Variants in GPCPD1 observed in about 807,000 individuals in gnomAD.
The protein encoded by GPCPD1 is glycerophosphocholine phosphodiesterase GPCPD1.
GPCPD1 carries 29 observed loss-of-function variants against 89.2 expected under a neutral mutation model. The ratio of observed to expected loss-of-function variants is 0.33; its 90% CI spans 0.24 to 0.44. GPCPD1 has a LOEUF of 0.44. GPCPD1 is among the 20% of genes least tolerant of loss of function. GPCPD1 has a pLI of 1.00. For missense variants in GPCPD1, 594 were observed against 808.9 expected, an observed-to-expected ratio of 0.73 and a Z score of 3.22; for synonymous variants, 258 against 266.3, an observed-to-expected ratio of 0.97 and a Z score of 0.30.
chr20:5,552,833 T>C (rs1289990837), intron 19 of GPCPD1, among the ~76,000 whole-genome samples: 2 of 152,188 alleles, frequency 1.3e-5, no homozygotes, highest in East Asian at 1.9e-4. Flanking sequence ...CAGAAAGTAA[T>C]ATAACTTTAT....
chr20:5,593,501 C>A, intron 3 of GPCPD1, 90 bp from the exon 4 acceptor site: 1 of 723,362 alleles, frequency 1.4e-6, no homozygotes, highest in East Asian at 2.5e-5. Context: ...TCAAATAAAA[C>A]GTATGACCAA....
chr20:5,590,940 T>C (rs890083169), intron 4 of GPCPD1, among the ~76,000 whole-genome samples: 4 of 151,948 alleles, frequency 2.6e-5, no homozygotes, highest in African/African-American at 9.7e-5. Context: ...TTTCAAAGGA[T>C]ACAATGAAAA....
At chr20:5,586,120 T>C (rs1169574883) in intron 5 of GPCPD1, 74 bp downstream of exon 5, 4 of 670,074 alleles carry the variant, frequency 6.0e-6, no homozygotes, top group Middle Eastern at 2.7e-4. Flanking sequence ...ATTTATTAAA[T>C]CCCACTAAGC....
At chr20:5,558,204 G>T in intron 18 of GPCPD1, 99 bp from the exon 19 acceptor site, 1 of 623,792 alleles carries the variant, frequency 1.6e-6, no homozygotes, top group Non-Finnish European at 2.7e-6. Flanking sequence ...ACAGCAGGCG[G>T]GAAAAGAAAA....
At chr20:5,585,421 CT>C (rs1978842972) in intron 5 of GPCPD1, 1 of 151,850 alleles carries the variant, frequency 6.6e-6, no homozygotes. Flanking sequence ...TTAACTTTAC[CT>C]AGAAACTAAA....
chr20:5,562,161 T>C (rs1172176357), intron 15 of GPCPD1, among the ~76,000 whole-genome samples: 1 of 152,208 alleles, frequency 6.6e-6, no homozygotes, highest in African/African-American at 2.4e-5. Flanking sequence ...AAAATGACAT[T>C]GAAAATATGA....
chr20:5,575,625 C>A, intron 9 of GPCPD1, 80 bp from the exon 10 acceptor site: 2 of 976,958 alleles, frequency 2.0e-6, no homozygotes, highest in Non-Finnish European at 3.1e-6. Flanking sequence ...ATTTAAATAC[C>A]ACTCAAGTCA....
chr20:5,600,997 A>T (rs1032456515), intron 2 of GPCPD1, among the ~76,000 whole-genome samples: 13 of 151,702 alleles, frequency 8.6e-5, no homozygotes, highest in Non-Finnish European at 1.5e-4. Flanking sequence ...CTCGAAAAAA[A>T]TTTTTTTTAA....
At position 5,578,309 on chromosome 20, in the gene GPCPD1, A is replaced by G; in HGVS notation, c.705+71T>C. Reference sequence around the variant, plus strand: ...TTACACAAATTAGATTAAAATGAAAATCAAAACCAACGTTAAAATAAGCTT... The same window carrying G: ...TTACACAAATTAGATTAAAATGAAAGTCAAAACCAACGTTAAAATAAGCTT... On this transcript the variant is annotated intron_variant, in intron 8 of 19. Coordinates refer to ENST00000379019, the MANE Select transcript of GPCPD1 (RefSeq NM_019593.5). The G allele has an allele frequency of 3.1e-6, 3 of 971,228 alleles. No homozygotes were observed. The Admixed American group carries it at 5.5e-5, about 18-fold the overall frequency. 60.2% of individuals were successfully genotyped at this position (971,228 alleles called of 1,614,324 possible). A position where few individuals can be genotyped will look rare whatever the true frequency, so the allele number is the denominator to read the frequency against.
At chr20:5,558,641 G>A in intron 18 of GPCPD1, 43 bp downstream of exon 18, 1 of 1,213,008 alleles carries the variant, frequency 8.2e-7, no homozygotes. Flanking sequence ...CTCCAAAATA[G>A]AAAACAGAAC....
intron 3 of GPCPD1, among the ~76,000 whole-genome samples, chr20:5,598,274 T>C (rs564578323): frequency 6.6e-6 from 1 of 152,130 alleles, no homozygotes; most frequent in Non-Finnish European, 1.5e-5. Flanking sequence ...GGCATGGTCA[T>C]GGGTGCCTAT....
At position 5,575,657 on chromosome 20, in the gene GPCPD1, C is replaced by T. The variant is rs140563474; in HGVS notation, c.869-112G>A. 2,915 of 892,976 alleles carry T rather than the reference C, an allele frequency of 3.3e-3. 13 individuals carry two copies. The highest frequency in any genetic ancestry group is 3.5e-3 in the Non-Finnish European group (2,019 of 582,824). The allele number at this position is 892,976 out of a possible 1,614,324, so 55.3% of individuals were successfully genotyped here. A position where few individuals can be genotyped will look rare whatever the true frequency, so the allele number is the denominator to read the frequency against. ...GTCAGCTTTATCAGTTTCTGTCAAA[C>T]GGAAAAAAAAACAAGATTCAAAATG... is the stretch of plus-strand genomic sequence containing the variant. On this transcript the variant is annotated intron_variant, in intron 9 of 19. Coordinates refer to ENST00000379019, the MANE Select transcript of GPCPD1 (RefSeq NM_019593.5).
chr20:5,586,030 CTGT>C (rs1978897503), intron 5 of GPCPD1, 161 bp downstream of exon 5: 1 of 433,504 alleles, frequency 2.3e-6, no homozygotes, highest in East Asian at 3.5e-5. Context: ...CAATTAAAAA[CTGT>C]TGTTTTGAAA....
chr20:5,559,011 T>C (rs1985934369), intron 17 of GPCPD1, among the ~76,000 whole-genome samples, 192 bp from the exon 18 acceptor site: 1 of 152,220 alleles, frequency 6.6e-6, no homozygotes, highest in East Asian at 1.9e-4. Context: ...AAGACCAGCC[T>C]GGACAACATG....
rs1396845368 is a variant in GPCPD1 at position 5,547,850 on chromosome 20, C to T, written c.1830G>A (p.Arg610=). Residue 610 remains arginine, a splice_region_variant and synonymous_variant, in exon 20 of 20, where the codon AGG becomes AGA. Coordinates refer to ENST00000379019, the MANE Select transcript of GPCPD1 (RefSeq NM_019593.5). The stretch of plus-strand genomic sequence containing the variant: ...GTTGTTCAGGCATCCAATCATATAT[C>T]CTATGATGAAACAAATACAAAACAC... ...ELGVNGLIYD[R]IYDWMPEQPN... 2 of 1,546,734 alleles carry T rather than the reference C, an allele frequency of 1.3e-6. No individual in the cohort carries two copies. Among genetic ancestry groups the T allele is most frequent in the Non-Finnish European group, 1.8e-6 (2 of 1,126,192 alleles).
chr20:5,569,843 C>G (rs1986606336), intron 12 of GPCPD1, among the ~76,000 whole-genome samples: 1 of 152,108 alleles, frequency 6.6e-6, no homozygotes. Context: ...ACTATGATAT[C>G]TTCCTCTCTT....
intron 3 of GPCPD1, among the ~76,000 whole-genome samples, chr20:5,594,313 G>A (rs1292608676): frequency 6.6e-6 from 1 of 151,062 alleles, no homozygotes; most frequent in Non-Finnish European, 1.5e-5. Context: ...TTTTTGAGAC[G>A]GAGTCTTGCT....
rs760437021 is a variant in GPCPD1, at chr20:5,580,097, T to C, written c.384A>G (p.Thr128=). The change falls in exon 7 of 20, where the codon ACA becomes ACG. Residue 128 remains threonine (T), a synonymous_variant. Transcript: ENST00000379019. The part of the protein sequence containing the change: ...GVETLDSGWL[T]CQTEIRLRLH... ...AACGTAATCTTATTTCAGTCTGACATGTCAGCCATCCAGAATCCAGAGTTT... is the reference window on the plus strand; with the variant it reads ...AACGTAATCTTATTTCAGTCTGACACGTCAGCCATCCAGAATCCAGAGTTT... 3.5e-5 allele frequency: 52 copies of C among 1,500,166 alleles called. No individual in the cohort carries two copies. Among genetic ancestry groups the C allele is most frequent in the South Asian group, 3.3e-4 (29 of 88,216 alleles). The allele number at this position is 1,500,166 out of a possible 1,614,324, so 92.9% of individuals were successfully genotyped here.
chr20:5,570,082 A>T (rs1221461276), intron 12 of GPCPD1, 65 bp downstream of exon 12: 1 of 716,774 alleles, frequency 1.4e-6, no homozygotes, highest in Non-Finnish European at 2.4e-6. Flanking sequence ...AATATAAAAA[A>T]ACTTCCTAGT....
Sources: allele counts gnomAD v4.1 joint callset (sites outside exome capture counted in the v4.1 genomes callset), GRCh38; gene constraint gnomAD v4.1.1; transcripts MANE v1.5; gene names NCBI Gene and HGNC (gene_info 2026-07-23, HGNC 2026-07-21).